PRKAG2: variants seen among roughly 807,000 people sequenced by gnomAD.
The protein encoded by PRKAG2 is protein kinase AMP-activated non-catalytic subunit gamma 2.
Under a neutral mutation model 69.6 loss-of-function variants are expected in PRKAG2, and 26 were observed. The observed-to-expected ratio is 0.37, with a 90% CI of 0.27 to 0.52. The LOEUF (loss-of-function observed/expected upper bound fraction) is 0.52. Ranked by LOEUF, PRKAG2 falls within the 20% of genes least tolerant of loss-of-function variation. The probability of loss-of-function intolerance (pLI) is 0.90; values close to 1 mark genes in which losing one functional copy is unlikely to be tolerated. For missense variants in PRKAG2, 557 were observed against 740.0 expected, an observed-to-expected ratio of 0.75 and a Z score of 2.87; for synonymous variants, 293 against 285.0, an observed-to-expected ratio of 1.03 and a Z score of -0.28.
chr7:151,576,301 A>G lies in PRKAG2; in HGVS notation c.946+70T>C, dbSNP rs1769779430. 3.7e-6 allele frequency: 5 copies of G among 1,341,870 alleles called. No homozygotes were observed. In the African/African-American group the frequency reaches 4.3e-5, roughly 12 times the overall value. The allele number at this position is 1,341,870 out of a possible 1,614,324, so 83.1% of individuals were successfully genotyped here. On this transcript the variant is annotated intron_variant, in intron 7 of 15. Coordinates refer to ENST00000287878, the MANE Select transcript of PRKAG2 (RefSeq NM_016203.4). ...TAGGTTGAATTCCAAACCGGCATCTATTAAAATACTTTAGGCTTTCTGCTT... is the reference window on the plus strand; with the variant it reads ...TAGGTTGAATTCCAAACCGGCATCTGTTAAAATACTTTAGGCTTTCTGCTT...
rs140899529 is a variant in PRKAG2, at chr7:151,775,250, C to CTGCG, written c.466+5898_466+5901dup. Among the ~76,000 whole-genome samples, 998 of 152,298 alleles carry CTGCG rather than the reference C, an allele frequency of 6.6e-3. 14 individuals are homozygous for CTGCG. Among genetic ancestry groups the CTGCG allele is most frequent in the African/African-American group, 0.023 (961 of 41,562 alleles). ...CTGGTTCTTGGTCATTCTGTTTCTC[C>CTGCG]TGCGTGATCCTACCCCCCACCCCGC... On this transcript the variant is annotated intron_variant, in intron 3 of 15. Transcript: ENST00000287878.
chr7:151,606,602 C>G (rs565891503), intron 5 of PRKAG2, among the ~76,000 whole-genome samples: 1 of 152,188 alleles, frequency 6.6e-6, no homozygotes, highest in East Asian at 1.9e-4. Flanking sequence ...GGTGGATCAC[C>G]TGAGGTCAGG....
chr7:151,844,186 T>C (rs1446707387), intron 1 of PRKAG2, among the ~76,000 whole-genome samples: 6 of 152,188 alleles, frequency 3.9e-5, no homozygotes, highest in Non-Finnish European at 8.8e-5. Flanking sequence ...GGCTCTGAAG[T>C]TGTGGCAGTG....
At chr7:151,782,279 T>C (rs573047820) in intron 2 of PRKAG2, among the ~76,000 whole-genome samples, 47 of 140,714 alleles carry the variant, frequency 3.3e-4, no homozygotes, top group Admixed American at 1.7e-3. Context: ...CGAGACTCCA[T>C]TTCAAGAGAA....
chr7:151,751,701 G>A (rs1203565870), intron 3 of PRKAG2, among the ~76,000 whole-genome samples: 1 of 151,416 alleles, frequency 6.6e-6, no homozygotes, highest in African/African-American at 2.4e-5. Context: ...TTGTTTGTTT[G>A]TTTGGTAGAG....
intron 4 of PRKAG2, among the ~76,000 whole-genome samples, chr7:151,671,060 G>A (rs904742517): frequency 2.7e-5 from 4 of 150,694 alleles, no homozygotes; most frequent in African/African-American, 7.3e-5. Flanking sequence ...TGTAGCCCCA[G>A]CTACTTGAGA....
chr7:151,730,945 C>G (rs1253883695), intron 3 of PRKAG2, among the ~76,000 whole-genome samples: 1 of 152,176 alleles, frequency 6.6e-6, no homozygotes, highest in Non-Finnish European at 1.5e-5. Context: ...TCCGGTCTTA[C>G]TGGGACCCTG....
intron 1 of PRKAG2, among the ~76,000 whole-genome samples, chr7:151,837,105 C>T (rs1373831349): frequency 6.6e-6 from 1 of 152,212 alleles, no homozygotes; most frequent in African/African-American, 2.4e-5. Context: ...GAAGACATCA[C>T]CGTACAGGAG....
chr7:151,629,818 T>C (rs901676745), intron 5 of PRKAG2, among the ~76,000 whole-genome samples: 14 of 152,216 alleles, frequency 9.2e-5, no homozygotes, highest in African/African-American at 3.1e-4. Flanking sequence ...TGCTGAAAGA[T>C]GAAATGAGGA....
intron 2 of PRKAG2, among the ~76,000 whole-genome samples, chr7:151,785,591 G>T (rs189019489): frequency 6.6e-6 from 1 of 152,326 alleles, no homozygotes; most frequent in African/African-American, 2.4e-5. Context: ...TTCCAGCATG[G>T]GAACTCCTGC....
At chr7:151,631,905 G>T in intron 5 of PRKAG2, 164 bp downstream of exon 5, 1 of 650,328 alleles carries the variant, frequency 1.5e-6, no homozygotes, top group African/African-American at 2.0e-5. Flanking sequence ...GCTCGCCGGC[G>T]CCCGCATCCC....
At chr7:151,747,642 C>T (rs1323517518) in intron 3 of PRKAG2, among the ~76,000 whole-genome samples, 1 of 152,170 alleles carries the variant, frequency 6.6e-6, no homozygotes, top group East Asian at 1.9e-4. Flanking sequence ...TGCTCTGGTA[C>T]TCGATGGCTT....
chr7:151,833,082 T>A (rs918715116), intron 1 of PRKAG2, among the ~76,000 whole-genome samples: 4 of 152,228 alleles, frequency 2.6e-5, no homozygotes, highest in African/African-American at 9.6e-5. Flanking sequence ...CGAAGCTGGC[T>A]TTCCAGTGGA....
chr7:151,632,814 T>G lies in PRKAG2; in HGVS notation c.685-676A>C, dbSNP rs1215084119. ...ATGCACTTTGTCGCTATCCATTTTT[T>G]TTTTTCCAGCATGGAACTCTTAATT... is the stretch of plus-strand genomic sequence containing the variant. On this transcript the variant is annotated intron_variant, in intron 4 of 15. Coordinates refer to ENST00000287878, the MANE Select transcript of PRKAG2 (RefSeq NM_016203.4). The surrounding 1 kb of genome is among the most constrained non-coding windows in gnomAD (Gnocchi z 4.2). 6.4e-6 allele frequency: 1 copy of G among 156,764 alleles called. No individual in the cohort carries two copies. Among genetic ancestry groups the G allele is most frequent in the Admixed American group, 6.5e-5 (1 of 15,292 alleles). The allele number at this position is 156,764 out of a possible 1,614,324, so 9.7% of individuals were successfully genotyped here. A position where few individuals can be genotyped will look rare whatever the true frequency, so the allele number is the denominator to read the frequency against.
Position 151,781,049 on chromosome 7 carries a change from C to T in PRKAG2, c.466+103G>A, listed in dbSNP as rs2076641760. 4.0e-6 allele frequency: 6 copies of T among 1,518,400 alleles called. No homozygotes were observed. Among genetic ancestry groups the T allele is most frequent in the African/African-American group, 1.4e-5 (1 of 72,920 alleles). The allele number at this position is 1,518,400 out of a possible 1,614,324, so 94.1% of individuals were successfully genotyped here. A position where few individuals can be genotyped will look rare whatever the true frequency, so the allele number is the denominator to read the frequency against. The stretch of plus-strand genomic sequence containing the variant: ...GATACAGGCACTCAGCACCAAGCTG[C>T]TCACAGCCACCTGGCAGCTTCGGTG... On this transcript the variant is annotated intron_variant, in intron 3 of 15. Coordinates refer to ENST00000287878, the MANE Select transcript of PRKAG2 (RefSeq NM_016203.4). This position sits in a 1 kb window ranked among gnomAD's most constrained non-coding sequence, Gnocchi z 6.1.
At chr7:151,753,697 G>A (rs1002611398) in intron 3 of PRKAG2, among the ~76,000 whole-genome samples, 28 of 152,034 alleles carry the variant, frequency 1.8e-4, no homozygotes, top group African/African-American at 6.0e-4. Flanking sequence ...AATTACAAGC[G>A]TGAGCCACCT....
intron 4 of PRKAG2, among the ~76,000 whole-genome samples, chr7:151,669,180 T>C (rs990169083): frequency 2.0e-5 from 3 of 152,216 alleles, no homozygotes; most frequent in African/African-American, 7.2e-5. Flanking sequence ...TCTATTCCTC[T>C]TTGTAGGAAG....
At chr7:151,811,434 A>AGGAACACCCCCCAGTTCTTG (rs2078417498) in intron 1 of PRKAG2, among the ~76,000 whole-genome samples, 1 of 152,250 alleles carries the variant, frequency 6.6e-6, no homozygotes, top group Non-Finnish European at 1.5e-5. Flanking sequence ...GGGGTGAAGA[A>AGGAACACCCCCCAGTTCTTG]GGAACACCCC....
At chr7:151,874,862 C>A (rs2080349090) in intron 1 of PRKAG2, among the ~76,000 whole-genome samples, 1 of 152,126 alleles carries the variant, frequency 6.6e-6, no homozygotes, top group African/African-American at 2.4e-5. Context: ...GCATTCCCAC[C>A]TGGGGAGCAG....
Sources: gnomAD v4.1 joint callset for allele counts (sites outside exome capture counted in the v4.1 genomes callset) on GRCh38, gnomAD v4.1.1 for gene constraint, Gnocchi (gnomAD v3.1) non-coding constraint, MANE v1.5 for transcripts, NCBI Gene and HGNC (gene_info 2026-07-23, HGNC 2026-07-21) for gene names.